Variants in GPATCH2L observed in about 807,000 individuals in gnomAD.
The protein encoded by GPATCH2L is G patch domain-containing protein 2-like.
Under a neutral mutation model 57.4 loss-of-function variants are expected in GPATCH2L, and 31 were observed. The ratio of observed to expected loss-of-function variants is 0.54; its 90% confidence interval spans 0.41 to 0.73. The LOEUF is 0.73. Among genes scored for constraint, GPATCH2L ranks in the 30% least tolerant of loss-of-function variants. The probability of loss-of-function intolerance (pLI) is 0.00; values close to 1 mark genes in which losing one functional copy is unlikely to be tolerated. For synonymous variants in GPATCH2L, 199 were observed against 210.7 expected (o/e 0.94, Z 0.48); for missense variants, 481 against 599.9 (o/e 0.80, Z 2.07).
At chr14:76,169,133 A>G (rs1038999221) in intron 3 of GPATCH2L, among the ~76,000 whole-genome samples, 3 of 151,986 alleles carry the variant, frequency 2.0e-5, no homozygotes, top group African/African-American at 7.2e-5. Flanking sequence ...CATCTCTGCA[A>G]TGACCCCATT....
rs1244394992 is a variant in GPATCH2L, at chr14:76,154,247, C to A, written c.-10-107C>A. On this transcript the variant is annotated intron_variant, in intron 1 of 9. Coordinates refer to ENST00000261530, the MANE Select transcript of GPATCH2L (RefSeq NM_017926.4). The surrounding 1 kb of genome is among the most constrained non-coding windows in gnomAD (Gnocchi z 4.4). ...TTTAGACAGGCAGAACTGTGGACTA[C>A]CATGATCTGTTTCATCAAATTATTC... The A allele has an allele frequency of 3.2e-6, 3 of 924,348 alleles. No individual in the cohort carries two copies. Among genetic ancestry groups the A allele is most frequent in the Non-Finnish European group, 4.9e-6 (3 of 616,452 alleles). 57.3% of individuals were successfully genotyped at this position (924,348 alleles called of 1,614,324 possible).
intron 8 of GPATCH2L, among the ~76,000 whole-genome samples, chr14:76,188,784 G>A (rs982674910): frequency 1.3e-5 from 2 of 151,948 alleles, no homozygotes; most frequent in Admixed American, 6.6e-5. Context: ...TTGCCCAGAC[G>A]AATGTCCTGG....
chr14:76,217,681 A>G (rs182167333), downstream of GPATCH2L, among the ~76,000 whole-genome samples: 2 of 152,328 alleles, frequency 1.3e-5, no homozygotes, highest in East Asian at 3.9e-4. Context: ...CTTACATCAC[A>G]GATTAAAGGC....
chr14:76,234,385 AT>A (rs1225043979), intron 2 of GPATCH2L: 4 of 152,184 alleles, frequency 2.6e-5, no homozygotes, highest in African/African-American at 9.7e-5. Flanking sequence ...GTGTAATCCC[AT>A]CCCCTTGGCT....
chr14:76,162,828 T>G (rs1194162831), intron 2 of GPATCH2L, among the ~76,000 whole-genome samples: 2 of 152,198 alleles, frequency 1.3e-5, no homozygotes, highest in Non-Finnish European at 2.9e-5. Flanking sequence ...GAGGAGAGCT[T>G]CTTTCCAAAG....
chr14:76,171,776 C>G (rs1222872694), intron 3 of GPATCH2L, 67 bp from the exon 4 acceptor site: 1 of 894,090 alleles, frequency 1.1e-6, no homozygotes, highest in Admixed American at 2.7e-5. Flanking sequence ...AAGAAATCAT[C>G]CCTCCCATTT....
At chr14:76,185,756 T>G (rs570838256) in intron 8 of GPATCH2L, among the ~76,000 whole-genome samples, 10 of 152,314 alleles carry the variant, frequency 6.6e-5, no homozygotes, top group African/African-American at 2.2e-4. Flanking sequence ...CTTTGAGAAA[T>G]CTTATTTTTA....
intron 3 of GPATCH2L, among the ~76,000 whole-genome samples, chr14:76,169,447 A>G (rs1192127330): frequency 6.6e-6 from 1 of 152,174 alleles, no homozygotes; most frequent in African/African-American, 2.4e-5. Flanking sequence ...CAGATTGTAA[A>G]ACAACTAAGC....
chr14:76,179,110 A>T (rs1422823958), intron 7 of GPATCH2L: 2 of 150,712 alleles, frequency 1.3e-5, no homozygotes, highest in African/African-American at 2.4e-5. Flanking sequence ...GATATACACG[A>T]TCCACATTTT....
At chr14:76,165,207 G>A (rs1046454165) in intron 2 of GPATCH2L, among the ~76,000 whole-genome samples, 1 of 152,102 alleles carries the variant, frequency 6.6e-6, no homozygotes, top group Non-Finnish European at 1.5e-5. Context: ...AAGAAATAGG[G>A]TTTGGGCTGG....
At chr14:76,221,590 C>CAGA (rs142544598) in intron 1 of GPATCH2L, among the ~76,000 whole-genome samples, 7,098 of 152,210 alleles carry the variant, frequency 0.047, 220 homozygotes, top group Admixed American at 0.093. Flanking sequence ...AGATGTCTTT[C>CAGA]AGCAGGTAAA....
intron 2 of GPATCH2L, among the ~76,000 whole-genome samples, chr14:76,231,415 T>C (rs534189751): frequency 6.6e-6 from 1 of 152,312 alleles, no homozygotes; most frequent in South Asian, 2.1e-4. Flanking sequence ...CCTTTATATT[T>C]GTCCTTCCCC....
In GPATCH2L at chr14:76,154,877, AAGG is replaced by A. The variant is rs1454253997; in HGVS notation, c.517_519del (p.Glu173del). The A allele has an allele frequency of 6.2e-7, 1 of 1,614,088 alleles. No homozygotes were observed. Among genetic ancestry groups the A allele is most frequent in the African/African-American group, 1.3e-5 (1 of 74,944 alleles). On this transcript the variant is annotated inframe_deletion, in exon 2 of 10. Coordinates refer to ENST00000261530, the MANE Select transcript of GPATCH2L (RefSeq NM_017926.4). The surrounding 1 kb of genome is among the most constrained non-coding windows in gnomAD (Gnocchi z 4.4). ...TAAGAAGCAGCGTCTGTCCCGCTGG[AAGG>A]AGAATACTCCCTGGACCTCATCAGG... is the stretch of plus-strand genomic sequence containing the variant.
chr14:76,166,789 T>C, intron 3 of GPATCH2L, 62 bp downstream of exon 3: 1 of 1,113,196 alleles, frequency 9.0e-7, no homozygotes, highest in Non-Finnish European at 1.4e-6. Context: ...TGAATAATCA[T>C]AGGAGTGACT....
At position 76,231,685 on chromosome 14, in the gene GPATCH2L, C is replaced by T. The variant is rs1595016104; in HGVS notation, c.*117+1732C>T. On this transcript the variant is annotated intron_variant and NMD_transcript_variant, in intron 2 of 3. Transcript: ENST00000556372. ...TATCAAACTAAGCTACACATATTAG[C>T]GTATTGTAGACCATTTGAAAAATAT... Among the ~76,000 whole-genome samples, 6 of 151,100 alleles carry T rather than the reference C, an allele frequency of 4.0e-5. No individual in the cohort carries two copies. The South Asian group carries it at 1.3e-3, about 32-fold the overall frequency.
chr14:76,229,776 A>T (rs1210475536), intron 1 of GPATCH2L: 1 of 151,946 alleles, frequency 6.6e-6, no homozygotes, highest in East Asian at 1.9e-4. Context: ...ATGCAGTGGG[A>T]CTCACTGTCC....
chr14:76,192,265 C>T (rs1279881624), intron 8 of GPATCH2L, among the ~76,000 whole-genome samples: 1 of 151,918 alleles, frequency 6.6e-6, no homozygotes, highest in Non-Finnish European at 1.5e-5. Context: ...AAGCTGTAAA[C>T]TCTAGCAGTA....
intron 4 of GPATCH2L, 57 bp downstream of exon 4, chr14:76,172,076 A>C (rs1165047929): frequency 9.0e-7 from 1 of 1,113,648 alleles, no homozygotes; most frequent in East Asian, 2.6e-5. Context: ...TGGGCAGAGC[A>C]ATCACCCCCT....
At chr14:76,226,594 G>A (rs2139870634) in intron 1 of GPATCH2L, among the ~76,000 whole-genome samples, 1 of 152,290 alleles carries the variant, frequency 6.6e-6, no homozygotes, top group South Asian at 2.1e-4. Context: ...CGTGTTGGGA[G>A]GTGGGACCTA....
Sources: gnomAD v4.1 joint callset for allele counts (sites outside exome capture counted in the v4.1 genomes callset) on GRCh38, gnomAD v4.1.1 for gene constraint, Gnocchi (gnomAD v3.1) non-coding constraint, MANE v1.5 for transcripts, NCBI Gene and HGNC (gene_info 2026-07-23, HGNC 2026-07-21) for gene names.